The following TENM2 variants were observed in gnomAD, a reference collection of about 807,000 sequenced individuals.
TENM2 encodes the protein teneurin-2.
Under a neutral mutation model 245.2 loss-of-function variants are expected in TENM2, and 52 were observed. The ratio of observed to expected loss-of-function variants is 0.21; its 90% CI spans 0.17 to 0.27. The LOEUF (loss-of-function observed/expected upper bound fraction) is 0.27, where lower values mean the gene tolerates loss of function less well. Among genes scored for constraint, TENM2 ranks in the 10% least tolerant of loss-of-function variants. TENM2 has a pLI of 1.00. For synonymous variants in TENM2, 1,363 were observed against 1,438.9 expected (o/e 0.95, Z 1.19); for missense variants, 3,046 against 3,666.8 (o/e 0.83, Z 4.37).
intron 2 of TENM2, among the ~76,000 whole-genome samples, chr5:167,400,998 GA>G (rs1463272776): frequency 6.6e-6 from 1 of 152,068 alleles, no homozygotes; most frequent in African/African-American, 2.4e-5. Context: ...GGCTGAGGCA[GA>G]AGGATTGCTT....
rs1209066862 is a variant in TENM2, at chr5:168,218,073, A to T, written c.4234-52A>T. 1.9e-6 allele frequency: 3 copies of T among 1,571,440 alleles called. No homozygotes were observed. The highest frequency in any genetic ancestry group is 1.7e-6 in the Non-Finnish European group (2 of 1,154,818). On this transcript the variant is annotated intron_variant, in intron 22 of 28. Transcript: ENST00000518659. The surrounding 1 kb of genome is among the most constrained non-coding windows in gnomAD (Gnocchi z 5.2). ...AAACCAGTAAGTGCCGTACGGTTAA[A>T]CGTTGGACATATTAAAGGCTGTTCT...
intron 2 of TENM2, among the ~76,000 whole-genome samples, chr5:167,553,445 T>C (rs781235460): frequency 3.3e-5 from 5 of 152,176 alleles, no homozygotes; most frequent in African/African-American, 4.8e-5. Flanking sequence ...CAGGACAGCA[T>C]AGGAAGTCAT....
the TENM2 span, among the ~76,000 whole-genome samples, chr5:167,261,954 G>A: frequency 3.3e-5 from 5 of 152,148 alleles, no homozygotes; most frequent in Admixed American, 3.3e-4. Context: ...TTCAACACCA[G>A]GCTCCAAGGC....
the TENM2 span, chr5:167,116,611 C>G: frequency 1.3e-5 from 2 of 151,968 alleles, no homozygotes; most frequent in African/African-American, 4.8e-5. Context: ...GGTAGCCTGG[C>G]TCGGGATATC....
At chr5:167,199,455 C>T in the TENM2 span, among the ~76,000 whole-genome samples, 23 of 152,206 alleles carry the variant, frequency 1.5e-4, no homozygotes, top group East Asian at 1.5e-3. Context: ...CTTCCTGGCC[C>T]GGCACCTTCA....
chr5:167,815,495 G>A (rs1766975768), intron 2 of TENM2, among the ~76,000 whole-genome samples: 1 of 152,158 alleles, frequency 6.6e-6, no homozygotes, highest in Non-Finnish European at 1.5e-5. Flanking sequence ...GCTAGGAAGA[G>A]ATTCAAATAC....
intron 23 of TENM2, among the ~76,000 whole-genome samples, chr5:168,223,084 CT>C (rs1432096984): frequency 6.6e-6 from 1 of 152,234 alleles, no homozygotes; most frequent in Non-Finnish European, 1.5e-5. Context: ...GAAGACGTTC[CT>C]TGGGGGAAGT....
upstream of TENM2, among the ~76,000 whole-genome samples, chr5:167,283,238 G>A (rs1047116365): frequency 2.4e-4 from 36 of 151,838 alleles, no homozygotes; most frequent in Admixed American, 1.8e-3. Flanking sequence ...CAGTAGAGAC[G>A]GGGTTTCACT....
Position 167,375,521 on chromosome 5 carries a change from C to T in TENM2, c.502+48C>T, listed in dbSNP as rs774885042. The T allele has an allele frequency of 9.1e-5, 137 of 1,502,162 alleles. 1 individual carries two copies. Among genetic ancestry groups the T allele is most frequent in the South Asian group, 2.5e-5 (2 of 78,958 alleles). 93.1% of individuals were successfully genotyped at this position (1,502,162 alleles called of 1,614,324 possible). A position where few individuals can be genotyped will look rare whatever the true frequency, so the allele number is the denominator to read the frequency against. On this transcript the variant is annotated intron_variant, in intron 2 of 28. Coordinates refer to ENST00000518659, the Ensembl canonical transcript of TENM2. Reference sequence around the variant, plus strand: ...TTTTAACGTTCTGTGCACTGCACCACGTGGGGCTTTGAATGTTTTTGTTTT... The same window carrying T: ...TTTTAACGTTCTGTGCACTGCACCATGTGGGGCTTTGAATGTTTTTGTTTT...
chr5:166,983,583 C>T, the TENM2 span, among the ~76,000 whole-genome samples: 1 of 151,988 alleles, frequency 6.6e-6, no homozygotes, highest in African/African-American at 2.4e-5. Context: ...ATCTATATTC[C>T]CCATAAAGAT....
intron 2 of TENM2, among the ~76,000 whole-genome samples, chr5:167,377,616 A>C (rs1760843410): frequency 6.6e-6 from 1 of 152,216 alleles, no homozygotes; most frequent in South Asian, 2.1e-4. Flanking sequence ...ACATCACATC[A>C]TAAACTCTTT....
At chr5:167,859,122 G>GAGA (rs2151267564) in intron 2 of TENM2, among the ~76,000 whole-genome samples, 1 of 123,434 alleles carries the variant, frequency 8.1e-6, no homozygotes, top group African/African-American at 3.1e-5. Flanking sequence ...CTGCCCCGCC[G>GAGA]CCCCATCTGG....
At chr5:167,335,566 A>G (rs1757706885) in intron 1 of TENM2, among the ~76,000 whole-genome samples, 2 of 152,056 alleles carry the variant, frequency 1.3e-5, no homozygotes, top group Admixed American at 6.6e-5. Flanking sequence ...AGCCTAGTTT[A>G]TCACAGCGAT....
At chr5:167,007,267 A>G in the TENM2 span, among the ~76,000 whole-genome samples, 2 of 152,196 alleles carry the variant, frequency 1.3e-5, no homozygotes, top group African/African-American at 2.4e-5. The surrounding 1 kb of genome is among the most constrained non-coding windows in gnomAD (Gnocchi z 4.2). Flanking sequence ...AAATATAAAC[A>G]TAAGTCCCAA....
intron 13 of TENM2, among the ~76,000 whole-genome samples, chr5:168,179,008 G>A (rs923373121): frequency 1.3e-5 from 2 of 151,998 alleles, no homozygotes; most frequent in African/African-American, 4.8e-5. Context: ...GGTGAAGGGT[G>A]CCTGTAATCC....
At chr5:167,435,544 G>C (rs1486517403) in intron 2 of TENM2, among the ~76,000 whole-genome samples, 15 of 152,130 alleles carry the variant, frequency 9.9e-5, no homozygotes, top group Admixed American at 9.8e-4. Context: ...TACCCACTCT[G>C]GGGGTATGTT....
chr5:167,573,631 C>T (rs1774435099), intron 2 of TENM2, among the ~76,000 whole-genome samples: 1 of 151,874 alleles, frequency 6.6e-6, no homozygotes, highest in Non-Finnish European at 1.5e-5. Context: ...TGTCACAATT[C>T]ATTGACTCTC....
intron 1 of TENM2, among the ~76,000 whole-genome samples, chr5:167,366,086 A>AT (rs896203499): frequency 4.9e-5 from 4 of 82,260 alleles, no homozygotes; most frequent in Admixed American, 1.6e-4. Flanking sequence ...GAAAAACAGA[A>AT]TTTTTTTTCT....
intron 14 of TENM2, among the ~76,000 whole-genome samples, chr5:168,193,530 G>A (rs916520064): frequency 9.2e-5 from 14 of 152,220 alleles, no homozygotes; most frequent in African/African-American, 3.4e-4. Flanking sequence ...TAGGAAGCCA[G>A]CAGCAAGGAA....
Sources: allele counts gnomAD v4.1 joint callset (sites outside exome capture counted in the v4.1 genomes callset), GRCh38; gene constraint gnomAD v4.1.1; non-coding constraint Gnocchi (gnomAD v3.1); transcripts MANE v1.5; gene names NCBI Gene and HGNC (gene_info 2026-07-23, HGNC 2026-07-21).